The following KLRD1 variants were observed in gnomAD, a reference collection of about 807,000 sequenced individuals.
KLRD1 encodes the protein natural killer cells antigen CD94.
A neutral mutation model predicts 22.6 loss-of-function variants in KLRD1; 21 were observed. The ratio of observed to expected loss-of-function variants is 0.93; its 90% confidence interval spans 0.66 to 1.34. The LOEUF is 1.34. Ranked by LOEUF, KLRD1 falls within the 40% of genes most tolerant of loss-of-function variation. The pLI is 0.00. For synonymous variants in KLRD1, 59 were observed against 71.1 expected, an observed-to-expected ratio of 0.83 and a Z score of 0.85; for missense variants, 183 against 208.6, an observed-to-expected ratio of 0.88 and a Z score of 0.76.
chr12:10,267,488 A>G (rs1949511095), intron 1 of KLRD1, among the ~76,000 whole-genome samples: 1 of 152,210 alleles, frequency 6.6e-6, no homozygotes, highest in Non-Finnish European at 1.5e-5. Flanking sequence ...AATGTTGAGC[A>G]AATAAAGACA....
At chr12:10,260,541 G>C (rs1367781329) in intron 1 of KLRD1, among the ~76,000 whole-genome samples, 1 of 152,058 alleles carries the variant, frequency 6.6e-6, no homozygotes, top group African/African-American at 2.4e-5. Context: ...AGTGGCTCAC[G>C]CTTGTAATCC....
intron 1 of KLRD1, among the ~76,000 whole-genome samples, chr12:10,244,393 A>G (rs1051769483): frequency 6.6e-6 from 1 of 152,120 alleles, no homozygotes; most frequent in Non-Finnish European, 1.5e-5. Context: ...CATTCACTCA[A>G]TTTCAGTCAG....
At chr12:10,307,069 T>C (rs779017014), upstream of KLRD1, among the ~76,000 whole-genome samples, 19 of 152,222 alleles carry the variant, frequency 1.2e-4, no homozygotes, top group Non-Finnish European at 2.2e-4. Flanking sequence ...ATTCTTATTA[T>C]AGCCAATCTC....
intron 1 of KLRD1, among the ~76,000 whole-genome samples, chr12:10,277,310 G>A (rs1484229757): frequency 2.0e-5 from 3 of 151,976 alleles, no homozygotes; most frequent in African/African-American, 7.2e-5. Flanking sequence ...AGAAAAGCAA[G>A]GAGGAAGCGG....
At chr12:10,302,535 T>G (rs11838090), upstream of KLRD1, among the ~76,000 whole-genome samples, 2,510 of 152,264 alleles carry the variant, frequency 0.016, 60 homozygotes, top group African/African-American at 0.058. Context: ...GCTGTCCTAC[T>G]TGGTAGAACT....
At chr12:10,263,564 T>C (rs1176358491) in intron 1 of KLRD1, among the ~76,000 whole-genome samples, 1 of 152,080 alleles carries the variant, frequency 6.6e-6, no homozygotes, top group African/African-American at 2.4e-5. Context: ...TTGACATGAA[T>C]TGTAGAAGAA....
chr12:10,286,661 G>GC (rs1370277770), intron 1 of KLRD1, among the ~76,000 whole-genome samples: 1 of 49,318 alleles, frequency 2.0e-5, no homozygotes, highest in Non-Finnish European at 4.1e-5. Context: ...CGCTTATGGT[G>GC]CTTTTTTTTT....
At chr12:10,294,300 A>T (rs879354855) in intron 1 of KLRD1, among the ~76,000 whole-genome samples, 4 of 152,224 alleles carry the variant, frequency 2.6e-5, no homozygotes, top group Non-Finnish European at 5.9e-5. Context: ...AGCAAAATAA[A>T]AACAAGCAAG....
At chr12:10,283,309 T>A (rs1214557808) in intron 1 of KLRD1, among the ~76,000 whole-genome samples, 8 of 152,088 alleles carry the variant, frequency 5.3e-5, no homozygotes, top group Non-Finnish European at 1.0e-4. Flanking sequence ...ACGATTCCAT[T>A]TGTATGAGGC....
chr12:10,308,008 T>A lies in KLRD1; in HGVS notation c.-70T>A, dbSNP rs1019584762. 34 of 1,418,536 alleles carry A rather than the reference T, an allele frequency of 2.4e-5. No individual in the cohort carries two copies. The African/African-American group carries it at 3.9e-4, about 16-fold the overall frequency. 87.9% of individuals were successfully genotyped at this position (1,418,536 alleles called of 1,614,324 possible). The stretch of plus-strand genomic sequence containing the variant: ...TTAATCTCCAGCTCAGCTTCAACAA[T>A]TCAACGCTGTTCTTTCTGAAAAAGT... On this transcript the variant is annotated 5_prime_UTR_variant, in exon 1 of 6. Coordinates refer to ENST00000336164, the MANE Select transcript of KLRD1 (RefSeq NM_002262.5).
chr12:10,240,182 C>G (rs1307562089), intron 1 of KLRD1, among the ~76,000 whole-genome samples: 2 of 151,646 alleles, frequency 1.3e-5, no homozygotes, highest in African/African-American at 4.8e-5. Flanking sequence ...TACCTCAGCC[C>G]CCCAAGTCGC....
In KLRD1 at chr12:10,321,161, A is replaced by T. The variant is rs573094885; in HGVS notation, c.*6368A>T. 1 of 139,994 alleles carries T rather than the reference A, an allele frequency of 7.1e-6. No individual in the cohort carries two copies. Among genetic ancestry groups the T allele is most frequent in the South Asian group, 2.1e-4 (1 of 4,830 alleles). 8.7% of individuals were successfully genotyped at this position (139,994 alleles called of 1,614,324 possible). ...CATTTGCTATGCTAGATTTTAAATT[A>T]TTATGCATCAGTGACTCCTTTGTAA... On this transcript the variant is annotated 3_prime_UTR_variant, in exon 6 of 6. Transcript: ENST00000336164.
chr12:10,309,580 C>T, intron 2 of KLRD1, 46 bp from the exon 3 acceptor site: 1 of 1,425,146 alleles, frequency 7.0e-7, no homozygotes, highest in Non-Finnish European at 9.9e-7. Flanking sequence ...TTTAGTATTT[C>T]ATAAACCCAT....
intron 1 of KLRD1, among the ~76,000 whole-genome samples, chr12:10,295,519 AT>A (rs1949813856): frequency 6.6e-6 from 1 of 152,080 alleles, no homozygotes; most frequent in Non-Finnish European, 1.5e-5. Flanking sequence ...TTGGAAAAAA[AT>A]AAAAAAACAA....
intron 1 of KLRD1, among the ~76,000 whole-genome samples, chr12:10,252,605 G>A (rs1166006534): frequency 6.6e-6 from 1 of 152,122 alleles, no homozygotes; most frequent in Non-Finnish European, 1.5e-5. Flanking sequence ...TGATTGTATA[G>A]AATCATTAGT....
chr12:10,258,816 C>T (rs1358423441), intron 1 of KLRD1, among the ~76,000 whole-genome samples: 1 of 152,124 alleles, frequency 6.6e-6, no homozygotes, highest in East Asian at 1.9e-4. Flanking sequence ...CACACAAATG[C>T]ATATGGCTAT....
At chr12:10,262,754 G>C (rs769298297) in intron 1 of KLRD1, among the ~76,000 whole-genome samples, 3 of 151,888 alleles carry the variant, frequency 2.0e-5, no homozygotes, top group Non-Finnish European at 4.4e-5. Flanking sequence ...TCAAACATTT[G>C]GGATGGCAAA....
At chr12:10,260,593 G>A (rs1409996963) in intron 1 of KLRD1, among the ~76,000 whole-genome samples, 1 of 151,914 alleles carries the variant, frequency 6.6e-6, no homozygotes, top group Non-Finnish European at 1.5e-5. Context: ...ACGAGGTCAG[G>A]AATTCAAGAC....
rs563858019 is a variant in KLRD1 at position 10,251,198 on chromosome 12, T to C, written c.-101+24965T>C. 3.3e-5 allele frequency among the ~76,000 whole-genome samples: 5 copies of C among 152,116 alleles called. No homozygotes were observed. The South Asian group carries it at 1.0e-3, about 32-fold the overall frequency. On this transcript the variant is annotated intron_variant, in intron 1 of 5. Coordinates refer to the KLRD1 transcript ENST00000544747. ...GGAGTGCAGTGGTGCGATCCTGGCT[T>C]ACTGCAACCTCCGCCTCCCAGGTTC...
Sources: allele counts gnomAD v4.1 joint callset (sites outside exome capture counted in the v4.1 genomes callset), GRCh38; gene constraint gnomAD v4.1.1; transcripts MANE v1.5; gene names NCBI Gene and HGNC (gene_info 2026-07-23, HGNC 2026-07-21).